PDCL: variants seen among roughly 807,000 people sequenced by gnomAD.
The protein encoded by PDCL is phosducin like, also known as phosducin-like protein.
In PDCL, 11 loss-of-function variants were observed where a neutral mutation model predicts 26.7. That is an observed-to-expected ratio of 0.41 (90% CI 0.26 to 0.68). The LOEUF (loss-of-function observed/expected upper bound fraction) is 0.68, where lower values mean the gene tolerates loss of function less well. PDCL is among the 30% of genes least tolerant of loss of function. The pLI is 0.30. For missense variants in PDCL, 330 were observed against 371.6 expected, an observed-to-expected ratio of 0.89 and a Z score of 0.92; for synonymous variants, 118 against 134.9, an observed-to-expected ratio of 0.87 and a Z score of 0.87.
At chr9:122,827,140 G>A (rs982490071) in intron 1 of PDCL, among the ~76,000 whole-genome samples, 14 of 152,188 alleles carry the variant, frequency 9.2e-5, no homozygotes, top group African/African-American at 1.2e-4. Context: ...CACTGGCTTG[G>A]AGGAATCTAC....
At chr9:122,821,392 C>A (rs1829552580) in intron 3 of PDCL, among the ~76,000 whole-genome samples, 1 of 151,744 alleles carries the variant, frequency 6.6e-6, no homozygotes, top group South Asian at 2.1e-4. Context: ...CTCTCATAAC[C>A]CCTGCCCCAC....
At chr9:122,824,933 T>C (rs1017116692) in intron 2 of PDCL, among the ~76,000 whole-genome samples, 3 of 152,116 alleles carry the variant, frequency 2.0e-5, no homozygotes, top group Admixed American at 6.5e-5. Flanking sequence ...GACCACATAG[T>C]ACAGCTAAAG....
intron 3 of PDCL, among the ~76,000 whole-genome samples, chr9:122,821,135 A>C (rs1383331545): frequency 6.6e-6 from 1 of 152,180 alleles, no homozygotes; most frequent in African/African-American, 2.4e-5. Flanking sequence ...TAATAGCCCC[A>C]CTTTATAAAT....
In PDCL at chr9:122,820,988, A is replaced by G. The variant is rs944932954; in HGVS notation, c.355-352T>C. ...ACTCCAGCCTGGGAGACAGGGTGAT[A>G]CCCTGTCTCCAAAAAAATAAAAAGA... On this transcript the variant is annotated intron_variant, in intron 3 of 3. Coordinates refer to ENST00000259467, the MANE Select transcript of PDCL (RefSeq NM_005388.5). Among the ~76,000 whole-genome samples the G allele has an allele frequency of 1.7e-4, 26 of 151,736 alleles. No homozygotes were observed. In the East Asian group the frequency reaches 4.1e-3, roughly 24 times the overall value.
At chr9:122,823,340 CA>C in intron 2 of PDCL, 143 bp from the exon 3 acceptor site, 10 of 799,120 alleles carry the variant, frequency 1.3e-5, no homozygotes, top group Non-Finnish European at 1.8e-5. Flanking sequence ...TGTACTCTGC[CA>C]CAGGGCAGAG....
chr9:122,820,454 T>G lies in PDCL; in HGVS notation c.537A>C (p.Lys179Asn), dbSNP rs1829539059. 9 of 1,613,982 alleles carry G rather than the reference T, an allele frequency of 5.6e-6. No individual in the cohort carries two copies. In the South Asian group the frequency reaches 9.9e-5, roughly 18 times the overall value. ...GFLDMIDKEQ[K>N]SIVIMVHIYE... is the part of the protein sequence containing the mutation. ...AAATATGAACCATGATGACAATGCT[T>G]TTCTGTTCTTTATCAATCATGTCTA... is the stretch of plus-strand genomic sequence containing the variant. Residue 179 changes from lysine (K) to asparagine (N), a missense_variant, in exon 4 of 4, where the codon AAA becomes AAC. Lys to Asn is a moderately conservative substitution (Grantham distance 94). Transcript: ENST00000259467.
Position 122,820,513 on chromosome 9 carries a change from G to C in PDCL, c.478C>G (p.Gln160Glu), listed in dbSNP as rs960023448. 1.9e-6 allele frequency: 3 copies of C among 1,614,002 alleles called. No homozygotes were observed. Among genetic ancestry groups the C allele is most frequent in the African/African-American group, 2.7e-5 (2 of 74,970 alleles). The change falls in exon 4 of 4, where the codon CAG becomes GAG. Residue 160 changes from glutamine to glutamate, a missense_variant. Coordinates refer to ENST00000259467, the MANE Select transcript of PDCL (RefSeq NM_005388.5). ...QQLHKGPQFK[Q>E]VFEISSGEGF... The stretch of plus-strand genomic sequence containing the variant: ...TCTCCACTGGAGATCTCAAAAACCT[G>C]CTTGAATTGGGGCCCCTTGTGAAGC...
At chr9:122,828,153 G>A (rs1459554474) in intron 1 of PDCL, among the ~76,000 whole-genome samples, 7 of 152,128 alleles carry the variant, frequency 4.6e-5, no homozygotes, top group Non-Finnish European at 7.3e-5. Context: ...ACACAGCAGC[G>A]GCGGAGGGGA....
chr9:122,824,968 G>T (rs1239959542), intron 2 of PDCL, among the ~76,000 whole-genome samples: 3 of 152,008 alleles, frequency 2.0e-5, no homozygotes, highest in African/African-American at 7.2e-5. Flanking sequence ...GAGAAATTCA[G>T]TACATAATAA....
rs760445119 is a variant in PDCL at position 122,826,693 on chromosome 9, C to G, written c.95G>C (p.Arg32Pro). ...DEDSDHEDKDRGRCAPASSSV... is the reference protein window; with the variant it reads ...DEDSDHEDKDPGRCAPASSSV... Reference sequence around the variant, plus strand: ...ACTGCTGGCTGGGGCACATCTGCCTCGGTCCTTGTCCTCGTGGTCACTGTC... The same window carrying G: ...ACTGCTGGCTGGGGCACATCTGCCTGGGTCCTTGTCCTCGTGGTCACTGTC... The change falls in exon 2 of 4, where the codon CGA becomes CCA. Residue 32 changes from arginine to proline, a missense_variant. Arg to Pro is a moderately radical substitution (Grantham distance 103). Transcript: ENST00000259467. 5.0e-6 allele frequency: 8 copies of G among 1,614,072 alleles called. No homozygotes were observed. The East Asian group carries it at 1.8e-4, about 36-fold the overall frequency.
In PDCL at chr9:122,818,430, G is replaced by C. The variant is rs955086952; in HGVS notation, c.*1655C>G. ...ACAACACTAAATAAGGAAGAGCACA[G>C]AACTAAATTCAGTAAGTACTCAATG... is the stretch of plus-strand genomic sequence containing the variant. On this transcript the variant is annotated 3_prime_UTR_variant, in exon 4 of 4. Coordinates refer to ENST00000259467, the MANE Select transcript of PDCL (RefSeq NM_005388.5). 2.0e-5 allele frequency: 3 copies of C among 152,000 alleles called. No homozygotes were observed. Among genetic ancestry groups the C allele is most frequent in the African/African-American group, 7.3e-5 (3 of 41,364 alleles). 9.4% of individuals were successfully genotyped at this position (152,000 alleles called of 1,614,324 possible).
At position 122,820,439 on chromosome 9, in the gene PDCL, CATG is replaced by C; in HGVS notation, c.549_551del (p.Ile183del). 1 of 1,614,128 alleles carries C rather than the reference CATG, an allele frequency of 6.2e-7. No individual in the cohort carries two copies. ...GAATGCCATCCTCATAAATATGAAC[CATG>C]ATGACAATGCTTTTCTGTTCTTTAT... On this transcript the variant is annotated inframe_deletion, in exon 4 of 4. Coordinates refer to ENST00000259467, the MANE Select transcript of PDCL (RefSeq NM_005388.5).
Position 122,820,601 on chromosome 9 carries a change from G to A in PDCL, c.390C>T (p.Asp130=). 6.2e-7 allele frequency: 1 copy of A among 1,612,494 alleles called. No homozygotes were observed. The change falls in exon 4 of 4, where the codon GAC becomes GAT. Residue 130 remains aspartate, a synonymous_variant. Transcript: ENST00000259467. ...TLKEFAIMNE[D]QDDEEFLQQY... ...GCTGCAGAAACTCTTCATCATCTTG[G>A]TCCTCATTCATTATGGCAAACTCCT...
intron 2 of PDCL, among the ~76,000 whole-genome samples, chr9:122,825,006 G>C (rs780151245): frequency 1.5e-4 from 23 of 151,988 alleles, no homozygotes; most frequent in Admixed American, 5.2e-4. Flanking sequence ...AATAAAGATG[G>C]CTTATTCACT....
rs1338906172 is a variant in PDCL, at chr9:122,819,935, T to A, written c.*150A>T. Reference sequence around the variant, plus strand: ...TGCTAGCTACAAGGTTATTCAGCATTCTGATTTAATCTAAGAATTTCTTTA... The same window carrying A: ...TGCTAGCTACAAGGTTATTCAGCATACTGATTTAATCTAAGAATTTCTTTA... On this transcript the variant is annotated 3_prime_UTR_variant, in exon 4 of 4. Coordinates refer to ENST00000259467, the MANE Select transcript of PDCL (RefSeq NM_005388.5). The A allele has an allele frequency of 1.6e-6, 1 of 613,498 alleles. No individual in the cohort carries two copies. The highest frequency in any genetic ancestry group is 2.7e-6 in the Non-Finnish European group (1 of 367,272). 38.0% of individuals were successfully genotyped at this position (613,498 alleles called of 1,614,324 possible). A position where few individuals can be genotyped will look rare whatever the true frequency, so the allele number is the denominator to read the frequency against.
At chr9:122,821,362 T>G (rs1476348165) in intron 3 of PDCL, among the ~76,000 whole-genome samples, 2 of 152,006 alleles carry the variant, frequency 1.3e-5, no homozygotes, top group Non-Finnish European at 2.9e-5. Flanking sequence ...TAACAAGACA[T>G]TACAGAATTT....
Position 122,819,260 on chromosome 9 carries a change from T to C in PDCL, c.*825A>G, listed in dbSNP as rs991768753. 1.3e-5 allele frequency: 2 copies of C among 151,152 alleles called. No individual in the cohort carries two copies. Among genetic ancestry groups the C allele is most frequent in the Non-Finnish European group, 2.9e-5 (2 of 67,932 alleles). The allele number at this position is 151,152 out of a possible 1,614,324, so 9.4% of individuals were successfully genotyped here. ...TTGGTCAGTTTTCCTCTACTGAATA[T>C]GAATTACTTTTCCAATATGAAAAAA... On this transcript the variant is annotated 3_prime_UTR_variant, in exon 4 of 4. Coordinates refer to ENST00000259467, the MANE Select transcript of PDCL (RefSeq NM_005388.5).
chr9:122,823,652 A>G (rs1336219425), intron 2 of PDCL, among the ~76,000 whole-genome samples: 1 of 152,228 alleles, frequency 6.6e-6, no homozygotes, highest in Non-Finnish European at 1.5e-5. Context: ...GTGTTTATAG[A>G]ATAAGAGCTT....
At chr9:122,820,808 G>C in intron 3 of PDCL, 172 bp from the exon 4 acceptor site, 1 of 476,520 alleles carries the variant, frequency 2.1e-6, no homozygotes, top group Admixed American at 3.3e-5. Context: ...ACATGGCAAA[G>C]CCTCATCTCT....
Sources: gnomAD v4.1 joint callset for allele counts (sites outside exome capture counted in the v4.1 genomes callset) on GRCh38, gnomAD v4.1.1 for gene constraint, MANE v1.5 for transcripts, NCBI Gene and HGNC (gene_info 2026-07-23, HGNC 2026-07-21) for gene names.